The following TMEM131 variants were observed in gnomAD, a reference collection of about 807,000 sequenced individuals.
The protein encoded by TMEM131 is 2610524E03Rik.
Under a neutral mutation model 211.6 loss-of-function variants are expected in TMEM131, and 66 were observed. The observed-to-expected ratio is 0.31, with a 90% CI of 0.26 to 0.38. The LOEUF (loss-of-function observed/expected upper bound fraction) is 0.38, where lower values mean the gene tolerates loss of function less well. TMEM131 is among the 10% of genes least tolerant of loss of function. The probability of loss-of-function intolerance (pLI) is 1.00; values close to 1 mark genes in which losing one functional copy is unlikely to be tolerated. For synonymous variants in TMEM131, 844 were observed against 841.3 expected, an observed-to-expected ratio of 1.00 and a Z score of -0.06; for missense variants, 2,036 against 2,299.3, an observed-to-expected ratio of 0.89 and a Z score of 2.34.
chr2:97,784,165 A>G (rs1428024265), intron 31 of TMEM131, among the ~76,000 whole-genome samples: 8 of 152,128 alleles, frequency 5.3e-5, no homozygotes, highest in Non-Finnish European at 1.0e-4. Flanking sequence ...TCTCAACAGT[A>G]TAACAACTAG....
chr2:97,960,376 T>C (rs182305265), intron 1 of TMEM131, among the ~76,000 whole-genome samples: 205 of 152,310 alleles, frequency 1.3e-3, no homozygotes, highest in South Asian at 3.5e-3. Context: ...AGTATCACTA[T>C]GGACTCATAT....
chr2:97,961,956 G>C (rs1678837281), intron 1 of TMEM131, among the ~76,000 whole-genome samples: 1 of 152,026 alleles, frequency 6.6e-6, no homozygotes, highest in African/African-American at 2.4e-5. Flanking sequence ...CCCATTATTT[G>C]AATACGCAAA....
intron 1 of TMEM131, among the ~76,000 whole-genome samples, chr2:97,968,349 T>C (rs552955778): frequency 5.9e-5 from 9 of 152,306 alleles, no homozygotes; most frequent in African/African-American, 2.2e-4. Context: ...GGTGTTTTAA[T>C]ATTTTAAGTG....
intron 4 of TMEM131, among the ~76,000 whole-genome samples, chr2:97,872,816 T>G (rs1260097759): frequency 1.3e-5 from 2 of 152,228 alleles, no homozygotes; most frequent in Non-Finnish European, 2.9e-5. Flanking sequence ...GGCGGCCGTT[T>G]GGGCAGTCAC....
intron 4 of TMEM131, among the ~76,000 whole-genome samples, chr2:97,880,511 G>C (rs1040940008): frequency 6.6e-6 from 1 of 152,168 alleles, no homozygotes; most frequent in Non-Finnish European, 1.5e-5. Flanking sequence ...GAACAGACAT[G>C]AAAAATTCAT....
At chr2:97,781,207 A>G (rs1349600409) in intron 31 of TMEM131, among the ~76,000 whole-genome samples, 5 of 152,094 alleles carry the variant, frequency 3.3e-5, no homozygotes, top group Admixed American at 6.5e-5. Context: ...GGCCTTACTG[A>G]TCTCTCCAGC....
chr2:97,875,962 A>G (rs1210259937), intron 4 of TMEM131, among the ~76,000 whole-genome samples: 1 of 152,140 alleles, frequency 6.6e-6, no homozygotes, highest in Non-Finnish European at 1.5e-5. Flanking sequence ...CAAAATAGAT[A>G]GACCACTAGC....
At chr2:97,974,941 T>C (rs1466119874) in intron 1 of TMEM131, among the ~76,000 whole-genome samples, 2 of 151,994 alleles carry the variant, frequency 1.3e-5, no homozygotes, top group African/African-American at 4.8e-5. Context: ...AGCAAGAAAA[T>C]GGTGAACTTG....
intron 28 of TMEM131, 105 bp from the exon 29 acceptor site, chr2:97,795,220 C>G: frequency 2.6e-6 from 2 of 758,454 alleles, no homozygotes; most frequent in Non-Finnish European, 4.0e-6. Context: ...ACAGAATTTG[C>G]GTTTGATACT....
chr2:97,802,916 A>C, intron 22 of TMEM131, 126 bp from the exon 23 acceptor site: 1 of 760,834 alleles, frequency 1.3e-6, no homozygotes, highest in Non-Finnish European at 2.1e-6. Context: ...ACATTTATTC[A>C]TTCTAATATT....
chr2:97,843,581 C>T (rs1012255432), intron 6 of TMEM131, among the ~76,000 whole-genome samples: 3 of 152,150 alleles, frequency 2.0e-5, no homozygotes, highest in Non-Finnish European at 4.4e-5. Context: ...TTCAAGTGAT[C>T]CTCCCACCTT....
At chr2:97,979,841 T>C (rs527557184) in intron 1 of TMEM131, among the ~76,000 whole-genome samples, 79 of 152,332 alleles carry the variant, frequency 5.2e-4, no homozygotes, top group African/African-American at 1.8e-3. Context: ...CTTGGCTGTT[T>C]GGTACGAGAG....
chr2:97,870,444 T>C (rs1036201012), intron 4 of TMEM131, among the ~76,000 whole-genome samples: 4 of 151,946 alleles, frequency 2.6e-5, no homozygotes, highest in African/African-American at 9.7e-5. Flanking sequence ...AAGACAGAAG[T>C]AGGGCCAAAA....
chr2:97,813,890 G>A (rs538082004), intron 15 of TMEM131, 81 bp downstream of exon 15: 136 of 1,141,656 alleles, frequency 1.2e-4, no homozygotes, highest in African/African-American at 2.2e-4. Context: ...CAAACCGTAT[G>A]TAACACGACT....
At chr2:97,850,713 A>C (rs939797007) in intron 5 of TMEM131, among the ~76,000 whole-genome samples, 4 of 152,206 alleles carry the variant, frequency 2.6e-5, no homozygotes, top group Admixed American at 6.5e-5. Flanking sequence ...TCCACCTAAA[A>C]AAAATCTAAA....
intron 25 of TMEM131, among the ~76,000 whole-genome samples, chr2:97,799,918 A>G (rs934186160): frequency 6.6e-6 from 1 of 152,334 alleles, no homozygotes; most frequent in Admixed American, 6.5e-5. Context: ...CTGTCTATTA[A>G]GTCAGGGAGC....
intron 2 of TMEM131, among the ~76,000 whole-genome samples, chr2:97,909,298 T>G (rs1025242780): frequency 2.0e-5 from 3 of 151,922 alleles, no homozygotes; most frequent in Admixed American, 1.3e-4. Flanking sequence ...AAGGCCCTCA[T>G]AGAGAGCAGA....
intron 2 of TMEM131, among the ~76,000 whole-genome samples, chr2:97,913,544 A>G (rs1018827665): frequency 6.6e-6 from 1 of 152,194 alleles, no homozygotes; most frequent in African/African-American, 2.4e-5. Flanking sequence ...ACAATAACCT[A>G]TCCTTGACAG....
chr2:97,943,191 C>T (rs575898292), intron 1 of TMEM131, among the ~76,000 whole-genome samples: 11 of 151,760 alleles, frequency 7.2e-5, no homozygotes, highest in African/African-American at 2.4e-4. Context: ...GAAGTGACAG[C>T]GAGCTATGAC....
Sources: allele counts gnomAD v4.1 joint callset (sites outside exome capture counted in the v4.1 genomes callset), GRCh38; gene constraint gnomAD v4.1.1; transcripts MANE v1.5; gene names NCBI Gene and HGNC (gene_info 2026-07-23, HGNC 2026-07-21).